Variants in KIAA1328 observed in about 807,000 individuals in gnomAD.
KIAA1328 encodes the protein protein hinderin.
Under a neutral mutation model 68.1 loss-of-function variants are expected in KIAA1328, and 52 were observed. That is an observed-to-expected ratio of 0.76 (90% CI 0.61 to 0.96). The LOEUF is 0.96. Among genes scored for constraint, KIAA1328 ranks in the 40% least tolerant of loss-of-function variants. The pLI, the probability that KIAA1328 is intolerant of heterozygous loss-of-function variation, is 0.00. For synonymous variants in KIAA1328, 232 were observed against 239.4 expected (o/e 0.97, Z 0.28); for missense variants, 641 against 677.6 (o/e 0.95, Z 0.60).
chr18:37,118,900 C>G (rs757058096), intron 7 of KIAA1328, among the ~76,000 whole-genome samples: 1 of 152,164 alleles, frequency 6.6e-6, no homozygotes, highest in Non-Finnish European at 1.5e-5. Flanking sequence ...CCCAGAGGAC[C>G]TTTCCCTAGT....
intron 6 of KIAA1328, among the ~76,000 whole-genome samples, chr18:36,973,356 G>A (rs1418402411): frequency 1.3e-5 from 2 of 152,060 alleles, no homozygotes; most frequent in African/African-American, 4.8e-5. Context: ...GATAGCATTA[G>A]GAGGTATACC....
intron 6 of KIAA1328, among the ~76,000 whole-genome samples, chr18:37,027,589 A>G (rs2054638173): frequency 6.6e-6 from 1 of 152,232 alleles, no homozygotes; most frequent in Non-Finnish European, 1.5e-5. Context: ...CTGATCTTTG[A>G]CAAACCTGAC....
intron 7 of KIAA1328, among the ~76,000 whole-genome samples, chr18:37,142,562 C>T (rs979728548): frequency 2.0e-5 from 3 of 152,070 alleles, no homozygotes; most frequent in Non-Finnish European, 4.4e-5. Flanking sequence ...TTTTTCTTCA[C>T]TGAATTGCCT....
intron 5 of KIAA1328, among the ~76,000 whole-genome samples, chr18:36,948,749 A>C (rs567003329): frequency 5.9e-5 from 9 of 151,396 alleles, no homozygotes; most frequent in Admixed American, 2.6e-4. Flanking sequence ...GGGTTTCTCC[A>C]TGTTGGTCAG....
At chr18:37,058,170 G>A (rs966032884) in intron 6 of KIAA1328, among the ~76,000 whole-genome samples, 4 of 152,254 alleles carry the variant, frequency 2.6e-5, no homozygotes, top group East Asian at 1.9e-4. Context: ...TATGTGCAGA[G>A]AGATGTGGTT....
At chr18:36,877,402 T>C (rs1349572436) in intron 4 of KIAA1328, among the ~76,000 whole-genome samples, 1 of 152,186 alleles carries the variant, frequency 6.6e-6, no homozygotes, top group Non-Finnish European at 1.5e-5. Flanking sequence ...CTTGTTGCAT[T>C]GATCCCTTTA....
In KIAA1328 at chr18:37,222,046, A is replaced by G. The variant is rs760738041; in HGVS notation, c.1553A>G (p.Gln518Arg). 6.2e-7 allele frequency: 1 copy of G among 1,613,640 alleles called. No homozygotes were observed. The highest frequency in any genetic ancestry group is 8.5e-7 in the Non-Finnish European group (1 of 1,179,726). The change falls in exon 10 of 10, where the codon CAG (glutamine) becomes CGG (arginine). Residue 518 changes from glutamine to arginine, a missense_variant. By Grantham distance (43) the Gln-to-Arg change is conservative. Transcript: ENST00000280020. ...GAGACATCTTTGTTGGATTTGGTTCAGTCTCTGAGCCCAAACTCTGCGCCC... is the reference window on the plus strand; with the variant it reads ...GAGACATCTTTGTTGGATTTGGTTCGGTCTCTGAGCCCAAACTCTGCGCCC... Reference protein sequence around the residue: ...RYETSLLDLVQSLSPNSAPKP... With the variant: ...RYETSLLDLVRSLSPNSAPKP...
At chr18:36,918,718 C>G (rs1219307410) in intron 5 of KIAA1328, among the ~76,000 whole-genome samples, 1 of 152,024 alleles carries the variant, frequency 6.6e-6, no homozygotes, top group Admixed American at 6.6e-5. Flanking sequence ...CCCGGCCTTT[C>G]TATATTTTTA....
intron 5 of KIAA1328, among the ~76,000 whole-genome samples, chr18:36,938,944 GTGTT>G (rs1253937706): frequency 1.3e-5 from 2 of 152,038 alleles, no homozygotes; most frequent in Admixed American, 6.6e-5. Context: ...ATTGGTTAAT[GTGTT>G]TGTTTTTGTT....
chr18:36,953,904 C>T (rs1004723899), intron 5 of KIAA1328, among the ~76,000 whole-genome samples: 11 of 152,028 alleles, frequency 7.2e-5, no homozygotes, highest in Admixed American at 2.0e-4. Flanking sequence ...CCTCCTACCC[C>T]AAACCTTTTC....
intron 7 of KIAA1328, among the ~76,000 whole-genome samples, chr18:37,092,219 C>G (rs185950095): frequency 8.4e-4 from 128 of 152,200 alleles, no homozygotes; most frequent in Admixed American, 1.1e-3. Flanking sequence ...CTGCTGCCTA[C>G]AGCCAAGTGC....
rs1556812093 is a variant in KIAA1328 at position 36,893,465 on chromosome 18, T to TTTGTGTGTGTGTG, written c.448+7794_448+7795insTGTGTGTGTGTGT. On this transcript the variant is annotated intron_variant, in intron 5 of 9. Transcript: ENST00000280020. ...TGTGTGTGTGTGTGTGTGTGTGTTT[T>TTTGTGTGTGTGTG]TGTGTGTGTGTGTGTGTGTGTGTGT... 7.3e-3 allele frequency among the ~76,000 whole-genome samples: 877 copies of TTTGTGTGTGTGTG among 120,630 alleles called. 10 individuals carry two copies. Among genetic ancestry groups the TTTGTGTGTGTGTG allele is most frequent in the Admixed American group, 0.012 (126 of 10,854 alleles). 79.1% of individuals were successfully genotyped at this position (120,630 alleles called of 152,430 possible).
At chr18:37,053,178 G>A (rs1220156811) in intron 6 of KIAA1328, among the ~76,000 whole-genome samples, 1 of 152,036 alleles carries the variant, frequency 6.6e-6, no homozygotes, top group African/African-American at 2.4e-5. Context: ...CAGAAATAAG[G>A]TAGCACATCT....
At chr18:36,959,776 A>G (rs2051581849) in intron 6 of KIAA1328, among the ~76,000 whole-genome samples, 1 of 152,240 alleles carries the variant, frequency 6.6e-6, no homozygotes, top group Non-Finnish European at 1.5e-5. Flanking sequence ...TGGAAATCAC[A>G]AATAAGCCTT....
chr18:37,004,939 A>G (rs2053723559), intron 6 of KIAA1328, among the ~76,000 whole-genome samples: 1 of 152,180 alleles, frequency 6.6e-6, no homozygotes, highest in Admixed American at 6.6e-5. Context: ...CAAATTAATG[A>G]CATTTGCAGC....
chr18:36,854,179 CTA>C (rs1253741953), intron 4 of KIAA1328, among the ~76,000 whole-genome samples: 2 of 152,138 alleles, frequency 1.3e-5, no homozygotes, highest in Non-Finnish European at 2.9e-5. Flanking sequence ...GGTGGAAAGA[CTA>C]TGTGAGGACA....
At chr18:37,020,798 C>T (rs2054318477) in intron 6 of KIAA1328, among the ~76,000 whole-genome samples, 2 of 152,174 alleles carry the variant, frequency 1.3e-5, no homozygotes, top group South Asian at 2.1e-4. Context: ...TGTCCATGTT[C>T]CTGTTTGCAC....
At chr18:36,988,653 T>G (rs1477838550) in intron 6 of KIAA1328, among the ~76,000 whole-genome samples, 1 of 152,232 alleles carries the variant, frequency 6.6e-6, no homozygotes, top group Non-Finnish European at 1.5e-5. Context: ...TCTGCTCATT[T>G]CTCAAGGATT....
intron 6 of KIAA1328, among the ~76,000 whole-genome samples, chr18:36,965,299 T>G (rs2051873852): frequency 6.6e-6 from 1 of 151,926 alleles, no homozygotes; most frequent in African/African-American, 2.4e-5. Flanking sequence ...TTGTTCCATA[T>G]TTCTTAGTAG....
Sources: gnomAD v4.1 joint callset for allele counts (sites outside exome capture counted in the v4.1 genomes callset) on GRCh38, gnomAD v4.1.1 for gene constraint, MANE v1.5 for transcripts, NCBI Gene and HGNC (gene_info 2026-07-23, HGNC 2026-07-21) for gene names.